DIO1: variants seen among roughly 807,000 people sequenced by gnomAD.
DIO1 encodes type I iodothyronine deiodinase.
In DIO1, 17 loss-of-function variants were observed where a neutral mutation model predicts 25.9. The ratio of observed to expected loss-of-function variants is 0.66; its 90% CI spans 0.45 to 0.98. DIO1 has a LOEUF of 0.98. DIO1 is among the 50% of genes least tolerant of loss of function. The probability of loss-of-function intolerance (pLI) is 0.00; values close to 1 mark genes in which losing one functional copy is unlikely to be tolerated. For synonymous variants in DIO1, 115 were observed against 114.0 expected (o/e 1.01, Z -0.05); for missense variants, 270 against 310.4 (o/e 0.87, Z 0.98).
chr1:53,904,747 T>C lies in DIO1; in HGVS notation c.419T>C (p.Ile140Thr), dbSNP rs1220950191. The C allele has an allele frequency of 6.2e-7, 1 of 1,613,774 alleles. No individual in the cohort carries two copies. Among genetic ancestry groups the C allele is most frequent in the African/African-American group, 1.3e-5 (1 of 74,938 alleles). Residue 140 changes from isoleucine (I) to threonine (T), a missense_variant, in exon 2 of 4, where the codon ATT becomes ACT. Transcript: ENST00000361921. ...AAATTTGACCAGTTCAAGAGGCTTA[T>C]TGAAGACTTTAGTTCCATAGCAGAT... is the stretch of plus-strand genomic sequence containing the variant. ...MFKFDQFKRL[I>T]EDFSSIADFL...
chr1:53,896,634 A>G (rs1016538152), intron 1 of DIO1, among the ~76,000 whole-genome samples: 2 of 152,144 alleles, frequency 1.3e-5, no homozygotes, highest in African/African-American at 4.8e-5. Flanking sequence ...TCCCCCTCCT[A>G]TGCAATTTCA....
intron 1 of DIO1, chr1:53,903,356 G>C (rs1335786733): frequency 3.3e-5 from 5 of 152,304 alleles, no homozygotes; most frequent in Admixed American, 3.3e-4. Flanking sequence ...CTCAACTTCT[G>C]TGATGCTGGG....
chr1:53,902,879 GTA>G lies in DIO1; in HGVS notation c.338-1785_338-1784del. 1.3e-5 allele frequency among the ~76,000 whole-genome samples: 2 copies of G among 152,056 alleles called. 1 individual carries two copies. The highest frequency in any genetic ancestry group is 4.1e-4 in the South Asian group (2 of 4,828). Reference sequence around the variant, plus strand: ...GTTTTTAGCACACCAGAGTTGTAAAGTATGTCTTGAAATTCTTCATAATTTTA... The same window carrying G: ...GTTTTTAGCACACCAGAGTTGTAAAGTGTCTTGAAATTCTTCATAATTTTA... On this transcript the variant is annotated intron_variant, in intron 1 of 3. Coordinates refer to ENST00000361921, the MANE Select transcript of DIO1 (RefSeq NM_000792.7).
At chr1:53,900,717 T>C (rs1285053136) in intron 1 of DIO1, among the ~76,000 whole-genome samples, 2 of 152,152 alleles carry the variant, frequency 1.3e-5, no homozygotes, top group Admixed American at 1.3e-4. Flanking sequence ...ACATGTAAGT[T>C]AAGATGCCCT....
rs191872884 is a variant in DIO1 at position 53,901,482 on chromosome 1, A to G, written c.338-3184A>G. 2.1e-4 allele frequency among the ~76,000 whole-genome samples: 32 copies of G among 152,238 alleles called. No individual in the cohort carries two copies. In the East Asian group the frequency reaches 4.6e-3, roughly 22 times the overall value. Reference sequence around the variant, plus strand: ...ATGGGAACCCATCACCATCCCTTACAGGAGCACCACAACTGGGCTGTGGAT... The same window carrying G: ...ATGGGAACCCATCACCATCCCTTACGGGAGCACCACAACTGGGCTGTGGAT... On this transcript the variant is annotated intron_variant, in intron 1 of 3. Coordinates refer to ENST00000361921, the MANE Select transcript of DIO1 (RefSeq NM_000792.7).
chr1:53,900,269 G>A (rs780711950), intron 1 of DIO1, among the ~76,000 whole-genome samples: 4 of 152,034 alleles, frequency 2.6e-5, no homozygotes, highest in Admixed American at 1.3e-4. Flanking sequence ...TGTGTATTCC[G>A]TTTTCCCCTC....
intron 1 of DIO1, among the ~76,000 whole-genome samples, chr1:53,898,834 A>C (rs1651215487): frequency 6.6e-6 from 1 of 152,090 alleles, no homozygotes; most frequent in African/African-American, 2.4e-5. Flanking sequence ...TTGGGTATAA[A>C]CTCTGAACTC....
chr1:53,894,616 T>A lies in DIO1; in HGVS notation c.337+69T>A. ...TGGTAGAGGGGGATGAAGAGATGGG[T>A]TGGAAAGTCCTGAATTCTCCTACTA... On this transcript the variant is annotated intron_variant, in intron 1 of 3. Transcript: ENST00000361921. This position sits in a 1 kb window ranked among gnomAD's most constrained non-coding sequence, Gnocchi z 4.9. 7.1e-7 allele frequency: 1 copy of A among 1,403,318 alleles called. No individual in the cohort carries two copies. The highest frequency in any genetic ancestry group is 9.7e-7 in the Non-Finnish European group (1 of 1,033,946). The allele number at this position is 1,403,318 out of a possible 1,614,324, so 86.9% of individuals were successfully genotyped here.
At chr1:53,899,521 G>A (rs144999424) in intron 1 of DIO1, among the ~76,000 whole-genome samples, 1,960 of 152,250 alleles carry the variant, frequency 0.013, 17 homozygotes, top group Middle Eastern at 0.02. Context: ...CCTCAATACT[G>A]ACCACTGTAC....
chr1:53,897,495 T>TATAAAATAAA (rs10635354), intron 1 of DIO1, among the ~76,000 whole-genome samples: 8,059 of 151,334 alleles, frequency 0.053, 265 homozygotes, highest in East Asian at 0.11. Flanking sequence ...TAAAATAAAA[T>TATAAAATAAA]ATAAAATAAA....
rs144506444 is a variant in DIO1 at position 53,896,437 on chromosome 1, C to T, written c.337+1890C>T. On this transcript the variant is annotated intron_variant, in intron 1 of 3. Coordinates refer to ENST00000361921, the MANE Select transcript of DIO1 (RefSeq NM_000792.7). ...TTCACCATGTTGCCCAGGCTGGTCT[C>T]GAACTCCTGGACTCAAGTGATCCAC... 3.9e-3 allele frequency among the ~76,000 whole-genome samples: 598 copies of T among 152,100 alleles called. 1 individual carries two copies. The highest frequency in any genetic ancestry group is 5.8e-3 in the Non-Finnish European group (392 of 67,988).
intron 3 of DIO1, 51 bp from the exon 4 acceptor site, chr1:53,909,880 C>A: frequency 1.3e-6 from 2 of 1,581,594 alleles, no homozygotes; most frequent in Non-Finnish European, 1.7e-6. Context: ...ATGTTCCTTA[C>A]AACTTGGAAA....
chr1:53,903,666 T>G (rs1276311579), intron 1 of DIO1, among the ~76,000 whole-genome samples: 1 of 151,584 alleles, frequency 6.6e-6, no homozygotes, highest in Non-Finnish European at 1.5e-5. Context: ...CTGGCCAACA[T>G]AGTGAAACCC....
At chr1:53,899,227 C>T (rs1313925231) in intron 1 of DIO1, among the ~76,000 whole-genome samples, 1 of 152,234 alleles carries the variant, frequency 6.6e-6, no homozygotes, top group African/African-American at 2.4e-5. Flanking sequence ...ATTTCAGCCC[C>T]TGTTTAAAAT....
chr1:53,904,798 C>A lies in DIO1; in HGVS notation c.470C>A (p.Ala157Glu), dbSNP rs745984372. 1 of 1,611,702 alleles carries A rather than the reference C, an allele frequency of 6.2e-7. No individual in the cohort carries two copies. Among genetic ancestry groups the A allele is most frequent in the Admixed American group, 1.7e-5 (1 of 59,628 alleles). Residue 157 changes from alanine to glutamate, a missense_variant, in exon 2 of 4, where the codon GCA becomes GAA. Ala to Glu is a moderately radical substitution (Grantham distance 107). Coordinates refer to ENST00000361921, the MANE Select transcript of DIO1 (RefSeq NM_000792.7). The part of the protein sequence containing the change: ...ADFLVIYIEE[A>E]HASDGWAFKN... ...TTTCTTGTCATTTACATTGAAGAAG[C>A]ACATGCATCAGGTACAGAAAGATTC... is the stretch of plus-strand genomic sequence containing the variant.
intron 3 of DIO1, among the ~76,000 whole-genome samples, chr1:53,907,618 T>C (rs1651716929): frequency 6.6e-6 from 1 of 152,050 alleles, no homozygotes; most frequent in African/African-American, 2.4e-5. Flanking sequence ...GAATTGAAAA[T>C]GACTCATACC....
intron 1 of DIO1, among the ~76,000 whole-genome samples, chr1:53,897,994 C>T (rs756029954): frequency 1.8e-4 from 27 of 152,106 alleles, no homozygotes; most frequent in African/African-American, 3.9e-4. Context: ...ACTAACAATA[C>T]GGAAATAAAC....
At chr1:53,900,277 C>G (rs1651286656) in intron 1 of DIO1, among the ~76,000 whole-genome samples, 1 of 151,918 alleles carries the variant, frequency 6.6e-6, no homozygotes, top group Non-Finnish European at 1.5e-5. Flanking sequence ...CCGTTTTCCC[C>G]TCCTGTTCTA....
Position 53,894,539 on chromosome 1 carries a change from T to G in DIO1, c.329T>G (p.Phe110Cys). The G allele has an allele frequency of 6.2e-7, 1 of 1,613,110 alleles. No homozygotes were observed. The change falls in exon 1 of 4, where the codon TTT becomes TGT. Residue 110 changes from phenylalanine to cysteine, a missense_variant. Transcript: ENST00000361921. The surrounding 1 kb of genome is among the most constrained non-coding windows in gnomAD (Gnocchi z 4.9). ...LSGQRCNIWE[F>C]MQGNRPLVLN... ...GGACAGAGGTGCAACATTTGGGAGT[T>G]TATGCAAGGTCAGGAGGCTGCCACA...
Sources: gnomAD v4.1 joint callset for allele counts (sites outside exome capture counted in the v4.1 genomes callset) on GRCh38, gnomAD v4.1.1 for gene constraint, Gnocchi (gnomAD v3.1) non-coding constraint, MANE v1.5 for transcripts, NCBI Gene and HGNC (gene_info 2026-07-23, HGNC 2026-07-21) for gene names.